Variants in ATRX observed in about 807,000 individuals in gnomAD.
The protein encoded by ATRX is ATRX chromatin remodeler.
Under a neutral mutation model 172.6 loss-of-function variants are expected in ATRX, and 12 were observed. That is an observed-to-expected ratio of 0.07 (90% CI 0.04 to 0.11). The LOEUF is 0.11. Ranked by LOEUF, ATRX falls within the 10% of genes least tolerant of loss-of-function variation. The probability of loss-of-function intolerance (pLI) is 1.00; values close to 1 mark genes in which losing one functional copy is unlikely to be tolerated. For missense variants in ATRX, 1,368 were observed against 1,767.4 expected (o/e 0.77, Z 4.05); for synonymous variants, 674 against 594.7 (o/e 1.13, Z -1.94).
chrX:77,748,385 G>T (rs1334046272), intron 1 of ATRX, among the ~76,000 whole-genome samples: 2 of 110,669 alleles, frequency 1.8e-5, no homozygotes, highest in South Asian at 3.8e-4. Context: ...TGATTGGGCT[G>T]GGGGGTGGTA....
At chrX:77,653,489 C>T (rs2069383649) in intron 14 of ATRX, among the ~76,000 whole-genome samples, 1 of 111,509 alleles carries the variant, frequency 9.0e-6, no homozygotes, top group African/African-American at 3.3e-5. Context: ...ATATGAGGTA[C>T]TTAAAATACA....
At chrX:77,773,282 T>C (rs56334032) in intron 1 of ATRX, among the ~76,000 whole-genome samples, 3 of 109,606 alleles carry the variant, frequency 2.7e-5, no homozygotes, top group Non-Finnish European at 3.8e-5. Context: ...AAAATGAAAA[T>C]TCATAATCGG....
chrX:77,784,786 G>A (rs1459285023), intron 1 of ATRX, among the ~76,000 whole-genome samples: 5 of 111,831 alleles, frequency 4.5e-5, no homozygotes, highest in African/African-American at 1.6e-4. Context: ...TAGGCTCATT[G>A]CCCAATTCTA....
intron 15 of ATRX, among the ~76,000 whole-genome samples, chrX:77,645,348 A>G (rs2068860178): frequency 9.0e-6 from 1 of 111,453 alleles, no homozygotes; most frequent in Non-Finnish European, 1.9e-5. Context: ...TATGTTGCCC[A>G]GTCTGGTCTT....
chrX:77,759,192 C>T (rs980209116), intron 1 of ATRX, among the ~76,000 whole-genome samples: 2 of 111,527 alleles, frequency 1.8e-5, no homozygotes, highest in African/African-American at 6.5e-5. Context: ...GTTATCTACA[C>T]AAAAACATCG....
At chrX:77,547,523 C>T (rs782436191) in intron 30 of ATRX, among the ~76,000 whole-genome samples, 1 of 111,746 alleles carries the variant, frequency 8.9e-6, no homozygotes, top group East Asian at 2.8e-4. Flanking sequence ...AAAGTATGGT[C>T]AGTCTGTTAA....
At chrX:77,720,632 G>A (rs782033673) in intron 1 of ATRX, among the ~76,000 whole-genome samples, 1 of 111,780 alleles carries the variant, frequency 8.9e-6, no homozygotes, top group South Asian at 3.7e-4. Flanking sequence ...CAAGGAAGAA[G>A]TCGAATCCCT....
rs782602387 is a variant in ATRX, at chrX:77,520,924, A to G, written c.7072-8T>C. 1 of 1,201,102 alleles carries G rather than the reference A, an allele frequency of 8.3e-7. No individual in the cohort carries two copies. Among genetic ancestry groups the G allele is most frequent in the East Asian group, 3.0e-5 (1 of 33,793 alleles). On this transcript the variant is annotated splice_polypyrimidine_tract_variant and splice_region_variant and intron_variant, in intron 33 of 34. Coordinates refer to ENST00000373344, the MANE Select transcript of ATRX (RefSeq NM_000489.6). ...ATTCATGTTCTCCTTCCACTAAAAG[A>G]AAAATTTTCTATTTACTCCTTATTA...
intron 28 of ATRX, among the ~76,000 whole-genome samples, chrX:77,560,172 C>CTT (rs1557061263): frequency 9.0e-6 from 1 of 110,518 alleles, no homozygotes; most frequent in African/African-American, 3.3e-5. Context: ...GTAAAACTAT[C>CTT]TGTTTTTTAA....
intron 15 of ATRX, among the ~76,000 whole-genome samples, chrX:77,650,835 G>A (rs940073919): frequency 2.2e-4 from 25 of 111,460 alleles, no homozygotes; most frequent in African/African-American, 8.1e-4. Context: ...TGATCCACCC[G>A]CCTCAGCCTC....
intron 30 of ATRX, among the ~76,000 whole-genome samples, chrX:77,524,955 G>C (rs1476453110): frequency 6.4e-5 from 7 of 109,872 alleles, no homozygotes; most frequent in African/African-American, 2.3e-4. Context: ...ATGTTTCCCA[G>C]GCTGGTTTCA....
In ATRX at chrX:77,656,764, G is replaced by A. The variant is rs1357091477; in HGVS notation, c.4121-111C>T. ...AACAGAGCATTGTAAGAACATCAGA[G>A]GTATATATGTGAATGGATAATACAT... is the stretch of plus-strand genomic sequence containing the variant. On this transcript the variant is annotated intron_variant, in intron 12 of 34. Coordinates refer to ENST00000373344, the MANE Select transcript of ATRX (RefSeq NM_000489.6). 8.6e-6 allele frequency: 5 copies of A among 579,903 alleles called. No individual in the cohort carries two copies. The South Asian group carries it at 1.3e-4, about 15-fold the overall frequency. The allele number at this position is 579,903 out of a possible 1,213,427, so 47.8% of individuals were successfully genotyped here. A position where few individuals can be genotyped will look rare whatever the true frequency, so the allele number is the denominator to read the frequency against.
At position 77,654,122 on chromosome X, in the gene ATRX, T is replaced by C. The variant is rs148142375; in HGVS notation, c.4293A>G (p.Gln1431=). Residue 1431 remains glutamine, a synonymous_variant, in exon 14 of 35, where the codon CAA becomes CAG. Transcript: ENST00000373344. ...QKKKRRRIKV[Q]EDSSSENKSN... is the part of the protein sequence containing the mutation. ...CCTTGTTTTCACTGGATGAATCTTCTTGAACCTTAATACGTCGCCTTTTCT... is the reference window on the plus strand; with the variant it reads ...CCTTGTTTTCACTGGATGAATCTTCCTGAACCTTAATACGTCGCCTTTTCT... 1.7e-6 allele frequency: 2 copies of C among 1,210,158 alleles called. No individual in the cohort carries two copies. Among genetic ancestry groups the C allele is most frequent in the Non-Finnish European group, 2.2e-6 (2 of 894,132 alleles).
At chrX:77,542,372 C>T (rs2064037008) in intron 30 of ATRX, among the ~76,000 whole-genome samples, 1 of 111,615 alleles carries the variant, frequency 9.0e-6, no homozygotes, top group South Asian at 3.7e-4. Context: ...GAATCAATAT[C>T]GTGAAAATGG....
At chrX:77,546,026 C>T (rs2064227054) in intron 30 of ATRX, among the ~76,000 whole-genome samples, 1 of 111,191 alleles carries the variant, frequency 9.0e-6, no homozygotes, top group African/African-American at 3.3e-5. Context: ...TAACACTGTG[C>T]CTTTCCATAA....
Position 77,558,661 on chromosome X carries a change from A to T in ATRX, c.6504+8T>A, listed in dbSNP as rs2147946340. 9 of 1,175,583 alleles carry T rather than the reference A, an allele frequency of 7.7e-6. No homozygotes were observed. Among genetic ancestry groups the T allele is most frequent in the Non-Finnish European group, 1.0e-5 (9 of 865,302 alleles). ...CTTTCAATATGAAAAAGAGAATTAT[A>T]AACCTACCTGAGCTAAGAACCTATA... On this transcript the variant is annotated splice_region_variant and intron_variant, in intron 29 of 34. Coordinates refer to ENST00000373344, the MANE Select transcript of ATRX (RefSeq NM_000489.6).
chrX:77,640,266 C>A (rs1163107180), intron 15 of ATRX, among the ~76,000 whole-genome samples: 2 of 111,274 alleles, frequency 1.8e-5, no homozygotes, highest in East Asian at 5.6e-4. Context: ...CAAACCTGAG[C>A]ATCACACAAT....
In ATRX at chrX:77,543,945, C is replaced by T. The variant is rs193117504; in HGVS notation, c.6699+13506G>A. On this transcript the variant is annotated intron_variant, in intron 30 of 34. Coordinates refer to ENST00000373344, the MANE Select transcript of ATRX (RefSeq NM_000489.6). The stretch of plus-strand genomic sequence containing the variant: ...TACTTTCTGCACATGTACCCCAGAA[C>T]TTAGAATATTAAATATATATATATA... Among the ~76,000 whole-genome samples the T allele has an allele frequency of 3.0e-4, 22 of 74,529 alleles. No homozygotes were observed. In the East Asian group the frequency reaches 6.7e-3, roughly 23 times the overall value. The allele number at this position is 74,529 out of a possible 115,157, so 64.7% of individuals were successfully genotyped here.
At position 77,708,664 on chromosome X, in the gene ATRX, A is replaced by AAAAAAT. The variant is rs199569716; in HGVS notation, c.133+8461_133+8466dup. On this transcript the variant is annotated intron_variant, in intron 2 of 34. Coordinates refer to ENST00000373344, the MANE Select transcript of ATRX (RefSeq NM_000489.6). ...AACAGAACGAGACTCTGTCTCAAAA[A>AAAAAAT]AAAAATAAAAATAAAAATAAAAATA... 5.5e-3 allele frequency among the ~76,000 whole-genome samples: 607 copies of AAAAAAT among 109,861 alleles called. 3 individuals carry two copies. Among genetic ancestry groups the AAAAAAT allele is most frequent in the African/African-American group, 0.018 (541 of 30,275 alleles).
Sources: allele counts gnomAD v4.1 joint callset (sites outside exome capture counted in the v4.1 genomes callset), GRCh38; gene constraint gnomAD v4.1.1; transcripts MANE v1.5; gene names NCBI Gene and HGNC (gene_info 2026-07-23, HGNC 2026-07-21).